Variants in JPH2 observed in about 807,000 individuals in gnomAD.
JPH2 encodes the protein junctophilin-2.
Under a neutral mutation model 55.9 loss-of-function variants are expected in JPH2, and 38 were observed. The ratio of observed to expected loss-of-function variants is 0.68; its 90% CI spans 0.52 to 0.89. The LOEUF (loss-of-function observed/expected upper bound fraction) is 0.89. Ranked by LOEUF, JPH2 falls within the 40% of genes least tolerant of loss-of-function variation. The pLI is 0.00. For synonymous variants in JPH2, 480 were observed against 472.4 expected (o/e 1.02, Z -0.21); for missense variants, 964 against 1,037.6 (o/e 0.93, Z 0.97).
In JPH2 at chr20:44,114,140, T is replaced by TCAGCC. The variant is rs755396016; in HGVS notation, c.*14+637_*15-638dup. Among the ~76,000 whole-genome samples the TCAGCC allele has an allele frequency of 3.9e-5, 6 of 152,216 alleles. No individual in the cohort carries two copies. In the East Asian group the frequency reaches 7.7e-4, roughly 20 times the overall value. ...TGAGAGCAGTGAGGGCCACTCTCCTTCAGCCCAGCCCAGCCCACTCCACTT... is the reference window on the plus strand; with the variant it reads ...TGAGAGCAGTGAGGGCCACTCTCCTTCAGCCCAGCCCAGCCCAGCCCACTCCACTT... On this transcript the variant is annotated intron_variant, in intron 5 of 5. Transcript: ENST00000372980.
chr20:44,132,233 C>G (rs2072323869), intron 2 of JPH2, among the ~76,000 whole-genome samples: 1 of 151,928 alleles, frequency 6.6e-6, no homozygotes, highest in Non-Finnish European at 1.5e-5. Context: ...TTGTATGTAA[C>G]ATTTGTGTAA....
chr20:44,179,068 G>A lies in JPH2; in HGVS notation c.379+7259C>T, dbSNP rs6017282. Among the ~76,000 whole-genome samples the A allele has an allele frequency of 3.5e-3, 539 of 152,238 alleles. 2 individuals are homozygous for A. Among genetic ancestry groups the A allele is most frequent in the African/African-American group, 0.012 (501 of 41,538 alleles). ...AGAAGCTTGGGTTTTTGACCCAATC[G>A]TCATAATTAAACATAAAGTCTCAAC... On this transcript the variant is annotated intron_variant, in intron 1 of 5. Transcript: ENST00000372980.
chr20:44,179,480 G>A (rs764547241), intron 1 of JPH2, among the ~76,000 whole-genome samples: 1 of 152,108 alleles, frequency 6.6e-6, no homozygotes, highest in Admixed American at 6.5e-5. Context: ...ACTTTTAGCC[G>A]GAGTCTGGTA....
rs765198116 is a variant in JPH2 at position 44,162,787 on chromosome 20, T to TACACACACAC, written c.380-2390_380-2381dup. ...ATATATATATATATATATATATATA[T>TACACACACAC]ACACACACACACACACACACACACA... On this transcript the variant is annotated intron_variant, in intron 1 of 5. Coordinates refer to ENST00000372980, the MANE Select transcript of JPH2 (RefSeq NM_020433.5). Among the ~76,000 whole-genome samples the TACACACACAC allele has an allele frequency of 3.0e-3, 124 of 40,994 alleles. 5 individuals carry two copies. Among genetic ancestry groups the TACACACACAC allele is most frequent in the East Asian group, 0.024 (41 of 1,710 alleles). 26.9% of individuals were successfully genotyped at this position (40,994 alleles called of 152,430 possible). A position where few individuals can be genotyped will look rare whatever the true frequency, so the allele number is the denominator to read the frequency against.
chr20:44,138,282 T>C (rs1336050785), intron 2 of JPH2, among the ~76,000 whole-genome samples: 2 of 152,066 alleles, frequency 1.3e-5, no homozygotes, highest in East Asian at 1.9e-4. Context: ...CCTCCCAAAG[T>C]GTAATCCCAA....
rs1569195255 is a variant in JPH2, at chr20:44,134,699, A to T, written c.1170-16076T>A. 1.6e-3 allele frequency among the ~76,000 whole-genome samples: 85 copies of T among 52,148 alleles called. 6 individuals carry two copies. The highest frequency in any genetic ancestry group is 4.6e-3 in the African/African-American group (50 of 10,914). 34.2% of individuals were successfully genotyped at this position (52,148 alleles called of 152,430 possible). On this transcript the variant is annotated intron_variant, in intron 2 of 5. Transcript: ENST00000372980. ...ATTTATAAATATTATAAATATATATACATTAATATATATTATAAATATATA... is the reference window on the plus strand; with the variant it reads ...ATTTATAAATATTATAAATATATATTCATTAATATATATTATAAATATATA...
At chr20:44,115,087 G>A (rs2072177273) in intron 4 of JPH2, among the ~76,000 whole-genome samples, 1 of 152,102 alleles carries the variant, frequency 6.6e-6, no homozygotes, top group Non-Finnish European at 1.5e-5. Context: ...TCAGGACCCA[G>A]GGAGGGACAA....
chr20:44,116,896 C>T (rs1201414615), intron 3 of JPH2, among the ~76,000 whole-genome samples: 4 of 152,234 alleles, frequency 2.6e-5, no homozygotes. Context: ...TAGGTTTTCG[C>T]TCCTAGGTTT....
Position 44,107,548 on chromosome 20 carries a change from A to G in JPH2, c.*5970T>C, listed in dbSNP as rs563014153. ...TCTTTCCTTTTCCTTTGGCAGATGC[A>G]GAGACCAAAAAAGCCCTAGGATATG... On this transcript the variant is annotated 3_prime_UTR_variant, in exon 6 of 6. Coordinates refer to ENST00000372980, the MANE Select transcript of JPH2 (RefSeq NM_020433.5). 2.1e-4 allele frequency among the ~76,000 whole-genome samples: 32 copies of G among 152,366 alleles called. No individual in the cohort carries two copies. In the South Asian group the frequency reaches 6.6e-3, roughly 32 times the overall value.
At chr20:44,132,399 C>CACAG (rs71195518) in intron 2 of JPH2, among the ~76,000 whole-genome samples, 5,604 of 130,340 alleles carry the variant, frequency 0.043, 281 homozygotes, top group African/African-American at 0.073. Flanking sequence ...CACACACACA[C>CACAG]ACATTTGGGC....
At chr20:44,132,521 C>T (rs2072329266) in intron 2 of JPH2, among the ~76,000 whole-genome samples, 1 of 151,710 alleles carries the variant, frequency 6.6e-6, no homozygotes, top group Non-Finnish European at 1.5e-5. Flanking sequence ...CTCCCTTGCT[C>T]ACTGGCTTCC....
chr20:44,145,979 C>T (rs2072491481), intron 2 of JPH2, among the ~76,000 whole-genome samples: 1 of 151,930 alleles, frequency 6.6e-6, no homozygotes, highest in South Asian at 2.1e-4. Flanking sequence ...TTCTCTAGTA[C>T]TCTACACTCC....
chr20:44,132,044 G>A (rs1185106522), intron 2 of JPH2, among the ~76,000 whole-genome samples: 3 of 152,120 alleles, frequency 2.0e-5, no homozygotes, highest in Non-Finnish European at 4.4e-5. Context: ...CACTGTAATA[G>A]CAAAAGATTG....
chr20:44,139,153 C>G (rs1409790893), intron 2 of JPH2, among the ~76,000 whole-genome samples: 1 of 152,130 alleles, frequency 6.6e-6, no homozygotes, highest in Non-Finnish European at 1.5e-5. Context: ...CTTTTTTCCC[C>G]CCAAGGACAA....
intron 2 of JPH2, among the ~76,000 whole-genome samples, chr20:44,145,376 G>A (rs1469587123): frequency 6.6e-6 from 1 of 152,122 alleles, no homozygotes. Context: ...AGGCCGAGGT[G>A]GGCGGATCAC....
In JPH2 at chr20:44,116,361, C is replaced by T. The variant is rs1359400957; in HGVS notation, c.1314G>A (p.Leu438=). Residue 438 remains leucine, a synonymous_variant, in exon 4 of 6, where the codon CTG becomes CTA. Transcript: ENST00000372980. ...CCGAGTTCTCCAGGATCTCCTGCAG[C>T]AGCCGGCGCTTCTGATATTCCGGAC... is the stretch of plus-strand genomic sequence containing the variant. ...QPGPEYQKRR[L]LQEILENSES... The T allele has an allele frequency of 6.5e-6, 10 of 1,547,772 alleles. No homozygotes were observed. The highest frequency in any genetic ancestry group is 8.7e-6 in the Non-Finnish European group (10 of 1,146,734).
chr20:44,185,472 T>A (rs1366112345), intron 1 of JPH2, among the ~76,000 whole-genome samples: 1 of 148,172 alleles, frequency 6.7e-6, no homozygotes, highest in Non-Finnish European at 1.5e-5. Flanking sequence ...AAAAAAAAAA[T>A]AATAATACAA....
intron 1 of JPH2, chr20:44,177,201 C>A (rs1199903029): frequency 5.1e-6 from 5 of 985,524 alleles, no homozygotes; most frequent in Admixed American, 6.1e-5. Flanking sequence ...TAGGTGAGAA[C>A]AAGGATAACC....
At chr20:44,125,261 T>C (rs1488123314) in intron 2 of JPH2, among the ~76,000 whole-genome samples, 1 of 152,198 alleles carries the variant, frequency 6.6e-6, no homozygotes, top group Non-Finnish European at 1.5e-5. Context: ...CCATATGACC[T>C]ACAAACACCA....
Sources: allele counts gnomAD v4.1 joint callset (sites outside exome capture counted in the v4.1 genomes callset), GRCh38; gene constraint gnomAD v4.1.1; transcripts MANE v1.5; gene names NCBI Gene and HGNC (gene_info 2026-07-23, HGNC 2026-07-21).